The following EPHA3 variants were observed in gnomAD, a reference collection of about 807,000 sequenced individuals.
The protein encoded by EPHA3 is ephrin type-A receptor 3.
Under a neutral mutation model 107.1 loss-of-function variants are expected in EPHA3, and 42 were observed. The observed-to-expected ratio is 0.39, with a 90% CI of 0.31 to 0.51. The LOEUF (loss-of-function observed/expected upper bound fraction) is 0.51, where lower values mean the gene tolerates loss of function less well. Ranked by LOEUF, EPHA3 falls within the 20% of genes least tolerant of loss-of-function variation. EPHA3 has a pLI of 0.78. For missense variants in EPHA3, 1,183 were observed against 1,211.2 expected, an observed-to-expected ratio of 0.98 and a Z score of 0.35; for synonymous variants, 461 against 424.8, an observed-to-expected ratio of 1.09 and a Z score of -1.05.
rs769741412 is a variant in EPHA3, at chr3:89,114,663, G to GC, written c.88+6832dup. On this transcript the variant is annotated intron_variant, in intron 1 of 16. Transcript: ENST00000336596. ...TGATGCTCTTTTGCTCCGGGTTTCT[G>GC]CCCCCGGGCGGACGGTGTAGACTCT... Among the ~76,000 whole-genome samples, 150 of 152,286 alleles carry GC rather than the reference G, an allele frequency of 9.8e-4. No individual in the cohort carries two copies. In the Middle Eastern group the frequency reaches 0.01, roughly 10 times the overall value.
At chr3:89,267,900 T>TA (rs1705575628) in intron 3 of EPHA3, among the ~76,000 whole-genome samples, 2 of 152,144 alleles carry the variant, frequency 1.3e-5, no homozygotes, top group African/African-American at 4.8e-5. Flanking sequence ...AGGATAACAT[T>TA]TTATTTTAAA....
chr3:89,120,869 A>C (rs1440815476), intron 1 of EPHA3, among the ~76,000 whole-genome samples: 1 of 152,248 alleles, frequency 6.6e-6, no homozygotes, highest in Non-Finnish European at 1.5e-5. Flanking sequence ...ATCTTCTTAT[A>C]TCACATAAAT....
intron 1 of EPHA3, among the ~76,000 whole-genome samples, chr3:89,119,129 T>A (rs1707320936): frequency 1.3e-5 from 2 of 152,124 alleles, no homozygotes; most frequent in African/African-American, 4.8e-5. Context: ...GACACACTTT[T>A]AAGCATGTCC....
chr3:89,177,075 C>CGT (rs139627729), intron 2 of EPHA3, among the ~76,000 whole-genome samples: 196 of 150,108 alleles, frequency 1.3e-3, no homozygotes, highest in South Asian at 3.6e-3. Context: ...GTTCACTCTG[C>CGT]GTGTGTGTGT....
At chr3:89,286,978 T>C (rs1706102335) in intron 3 of EPHA3, among the ~76,000 whole-genome samples, 2 of 152,168 alleles carry the variant, frequency 1.3e-5, no homozygotes, top group African/African-American at 4.8e-5. Flanking sequence ...ATATCATCTT[T>C]TTGCCTCCAC....
At chr3:89,344,596 G>A (rs1300984674) in intron 5 of EPHA3, among the ~76,000 whole-genome samples, 1 of 151,958 alleles carries the variant, frequency 6.6e-6, no homozygotes, top group Non-Finnish European at 1.5e-5. Flanking sequence ...CTTTATTTTT[G>A]TTCTTGTGAA....
At chr3:89,399,537 C>G (rs763094731) in intron 7 of EPHA3, 57 bp downstream of exon 7, 1 of 1,592,850 alleles carries the variant, frequency 6.3e-7, no homozygotes, top group South Asian at 1.1e-5. Context: ...CAAAAGATGT[C>G]TGATCGTTTA....
At chr3:89,272,867 G>A (rs567940117) in intron 3 of EPHA3, among the ~76,000 whole-genome samples, 47 of 151,860 alleles carry the variant, frequency 3.1e-4, no homozygotes, top group Admixed American at 5.3e-4. Context: ...GTAAATCTGG[G>A]AGGTGCTTAA....
intron 10 of EPHA3, among the ~76,000 whole-genome samples, chr3:89,413,499 C>T (rs535095415): frequency 2.0e-5 from 3 of 151,896 alleles, no homozygotes; most frequent in African/African-American, 7.2e-5. Flanking sequence ...GTGACAGCAG[C>T]AACAACTCAA....
At chr3:89,199,495 G>A (rs1705919600) in intron 2 of EPHA3, among the ~76,000 whole-genome samples, 1 of 132,974 alleles carries the variant, frequency 7.5e-6, no homozygotes, top group African/African-American at 2.7e-5. Context: ...GTCTCCCTAT[G>A]TTATACTTTA....
intron 2 of EPHA3, among the ~76,000 whole-genome samples, chr3:89,202,534 A>ATATAT (rs1251884296): frequency 2.4e-4 from 9 of 37,680 alleles, no homozygotes; most frequent in East Asian, 1.9e-3. Flanking sequence ...AAAAAAAAAA[A>ATATAT]ATATATATAT....
intron 2 of EPHA3, among the ~76,000 whole-genome samples, chr3:89,158,937 A>G (rs1704863192): frequency 6.6e-6 from 1 of 152,150 alleles, no homozygotes; most frequent in Non-Finnish European, 1.5e-5. Context: ...GGGAAGAAGA[A>G]AAGAAATAAC....
At position 89,145,274 on chromosome 3, in the gene EPHA3, C is replaced by G. The variant is rs1481243434; in HGVS notation, c.153+18001C>G. On this transcript the variant is annotated intron_variant, in intron 2 of 16. Coordinates refer to ENST00000336596, the MANE Select transcript of EPHA3 (RefSeq NM_005233.6). ...TAGTTGTGTGTATTACATATATTCA[C>G]AAACAGACACACACACACACACATA... 1.3e-4 allele frequency among the ~76,000 whole-genome samples: 10 copies of G among 77,510 alleles called. No homozygotes were observed. In the South Asian group the frequency reaches 1.5e-3, roughly 12 times the overall value. 50.8% of individuals were successfully genotyped at this position (77,510 alleles called of 152,430 possible).
At chr3:89,177,522 C>T (rs933290560) in intron 2 of EPHA3, among the ~76,000 whole-genome samples, 1 of 152,104 alleles carries the variant, frequency 6.6e-6, no homozygotes, top group Admixed American at 6.6e-5. Flanking sequence ...TGACAGCACA[C>T]GGCAGATGTG....
At chr3:89,405,167 A>G (rs1490840755) in intron 7 of EPHA3, among the ~76,000 whole-genome samples, 1 of 152,126 alleles carries the variant, frequency 6.6e-6, no homozygotes, top group Non-Finnish European at 1.5e-5. Flanking sequence ...GAGGGAAAGA[A>G]GAAAGAGTTG....
At chr3:89,321,858 T>G (rs535985220) in intron 3 of EPHA3, among the ~76,000 whole-genome samples, 244 of 152,176 alleles carry the variant, frequency 1.6e-3, no homozygotes, top group African/African-American at 5.7e-3. Context: ...AAAAAGTCAT[T>G]TACAAAACTG....
chr3:89,388,518 AG>A (rs1708667129), intron 5 of EPHA3, among the ~76,000 whole-genome samples: 1 of 152,216 alleles, frequency 6.6e-6, no homozygotes, highest in Non-Finnish European at 1.5e-5. Flanking sequence ...GAGTAGTAGA[AG>A]CAGTTTTCCA....
intron 5 of EPHA3, among the ~76,000 whole-genome samples, chr3:89,345,444 T>C (rs1707622412): frequency 1.3e-5 from 2 of 151,154 alleles, no homozygotes; most frequent in Non-Finnish European, 3.0e-5. Flanking sequence ...ATAGTGTGCA[T>C]TATGCCTATA....
chr3:89,237,207 T>C (rs1317599021), intron 3 of EPHA3, among the ~76,000 whole-genome samples: 1 of 152,112 alleles, frequency 6.6e-6, no homozygotes, highest in Non-Finnish European at 1.5e-5. Context: ...CTGTCTCTAC[T>C]AAAAATACAC....
Sources: gnomAD v4.1 joint callset for allele counts (sites outside exome capture counted in the v4.1 genomes callset) on GRCh38, gnomAD v4.1.1 for gene constraint, MANE v1.5 for transcripts, NCBI Gene and HGNC (gene_info 2026-07-23, HGNC 2026-07-21) for gene names.